GPM6A: variants seen among roughly 807,000 people sequenced by gnomAD.
The protein encoded by GPM6A is neuronal membrane glycoprotein M6-a.
A neutral mutation model predicts 32.1 loss-of-function variants in GPM6A; 7 were observed. That is an observed-to-expected ratio of 0.22 (90% CI 0.12 to 0.41). The LOEUF (loss-of-function observed/expected upper bound fraction) is 0.41, where lower values mean the gene tolerates loss of function less well. Ranked by LOEUF, GPM6A falls within the 10% of genes least tolerant of loss-of-function variation. The pLI, the probability that GPM6A is intolerant of heterozygous loss-of-function variation, is 1.00. For missense variants in GPM6A, 235 were observed against 347.2 expected, an observed-to-expected ratio of 0.68 and a Z score of 2.57; for synonymous variants, 130 against 123.4, an observed-to-expected ratio of 1.05 and a Z score of -0.35.
At chr4:175,641,986 G>A (rs1047579613) in intron 4 of GPM6A, 2 of 152,120 alleles carry the variant, frequency 1.3e-5, no homozygotes, top group Non-Finnish European at 2.9e-5. Flanking sequence ...ACGGTACCAG[G>A]CCTTCTTTAT....
chr4:175,734,135 CATATATAT>C (rs33914767), intron 1 of GPM6A, among the ~76,000 whole-genome samples: 3 of 127,162 alleles, frequency 2.4e-5, no homozygotes, highest in Admixed American at 7.6e-5. Flanking sequence ...TAATTTTTGC[CATATATAT>C]ATATATATAT....
intron 1 of GPM6A, among the ~76,000 whole-genome samples, chr4:175,747,336 G>A (rs1362830387): frequency 6.7e-6 from 1 of 148,298 alleles, no homozygotes; most frequent in Non-Finnish European, 1.5e-5. Context: ...GTCATAATAA[G>A]ACTGAATTAA....
intron 1 of GPM6A, among the ~76,000 whole-genome samples, chr4:175,713,061 A>G (rs1386287573): frequency 6.6e-6 from 1 of 152,330 alleles, no homozygotes; most frequent in Non-Finnish European, 1.5e-5. Context: ...CCCTGGCATA[A>G]AGTCTAACAT....
intron 1 of GPM6A, among the ~76,000 whole-genome samples, chr4:175,801,623 C>T (rs77917922): frequency 3.9e-4 from 60 of 152,006 alleles, no homozygotes; most frequent in African/African-American, 7.7e-4. Flanking sequence ...AAAAATTGAG[C>T]GTGTCAGATA....
chr4:175,827,718 C>T (rs993028912), intron 1 of GPM6A, among the ~76,000 whole-genome samples: 8 of 152,178 alleles, frequency 5.3e-5, no homozygotes, highest in African/African-American at 1.9e-4. Context: ...TTTCAAATGG[C>T]AGCTCAGCCA....
chr4:175,770,674 C>T (rs1733151338), intron 1 of GPM6A, among the ~76,000 whole-genome samples: 1 of 151,934 alleles, frequency 6.6e-6, no homozygotes, highest in Non-Finnish European at 1.5e-5. Context: ...TCTCTGAAGA[C>T]TGAATTCCAA....
intron 1 of GPM6A, among the ~76,000 whole-genome samples, chr4:175,756,803 C>T (rs1340860396): frequency 6.6e-6 from 1 of 151,942 alleles, no homozygotes; most frequent in East Asian, 1.9e-4. Flanking sequence ...AGGTGATAAG[C>T]AATAGAAGGA....
chr4:175,665,071 GACC>G (rs1300710643), intron 3 of GPM6A, among the ~76,000 whole-genome samples: 1 of 152,098 alleles, frequency 6.6e-6, no homozygotes, highest in East Asian at 1.9e-4. Flanking sequence ...AAGCCTACAG[GACC>G]ACCCTCTGAC....
At chr4:175,787,556 A>T (rs976076932) in intron 1 of GPM6A, 2 of 1,390,710 alleles carry the variant, frequency 1.4e-6, no homozygotes. Flanking sequence ...CAATGATTAC[A>T]TACTTGTTGA....
At chr4:175,889,471 T>G (rs1350460777) in intron 1 of GPM6A, among the ~76,000 whole-genome samples, 1 of 150,974 alleles carries the variant, frequency 6.6e-6, no homozygotes, top group Non-Finnish European at 1.5e-5. Context: ...ACTGCAGTGT[T>G]TACACCACTG....
At chr4:175,849,508 A>C (rs1167156082) in intron 1 of GPM6A, among the ~76,000 whole-genome samples, 2 of 152,216 alleles carry the variant, frequency 1.3e-5, no homozygotes, top group African/African-American at 4.8e-5. Context: ...ATCCATGGAC[A>C]TGTTAAGTCA....
intron 1 of GPM6A, among the ~76,000 whole-genome samples, chr4:175,918,231 T>C (rs1032147737): frequency 2.0e-5 from 3 of 152,142 alleles, no homozygotes; most frequent in African/African-American, 7.2e-5. Flanking sequence ...AAGCTATGAA[T>C]GTTTTTAAAA....
At chr4:175,638,562 G>A (rs1740951334) in intron 6 of GPM6A, among the ~76,000 whole-genome samples, 1 of 152,042 alleles carries the variant, frequency 6.6e-6, no homozygotes, top group Admixed American at 6.6e-5. Context: ...CTGTTGATTT[G>A]TTTTGAGAGT....
intron 1 of GPM6A, among the ~76,000 whole-genome samples, chr4:175,745,275 T>C (rs967669112): frequency 1.3e-5 from 2 of 152,210 alleles, no homozygotes; most frequent in South Asian, 2.1e-4. Context: ...TTTGGAGACC[T>C]GAGAATATTA....
At chr4:175,795,667 C>T (rs1734192090) in intron 1 of GPM6A, among the ~76,000 whole-genome samples, 1 of 152,116 alleles carries the variant, frequency 6.6e-6, no homozygotes, top group African/African-American at 2.4e-5. Context: ...GGGAGGATCA[C>T]TTGAGCCCAG....
chr4:175,854,697 C>T (rs1384164402), intron 1 of GPM6A, among the ~76,000 whole-genome samples: 6 of 152,082 alleles, frequency 3.9e-5, no homozygotes, highest in Non-Finnish European at 7.4e-5. Context: ...AAAGATTGAA[C>T]GGAGAATACG....
chr4:175,731,590 C>G (rs957151226), intron 1 of GPM6A, among the ~76,000 whole-genome samples: 2 of 152,206 alleles, frequency 1.3e-5, no homozygotes, highest in African/African-American at 4.8e-5. Flanking sequence ...GTGGCATGAA[C>G]AGTTAAAGCA....
intron 1 of GPM6A, among the ~76,000 whole-genome samples, chr4:175,821,495 G>A (rs528438266): frequency 3.9e-4 from 59 of 151,872 alleles, no homozygotes; most frequent in Non-Finnish European, 6.5e-4. Context: ...ATGAGGGGGA[G>A]GTGAACTTAT....
intron 1 of GPM6A, among the ~76,000 whole-genome samples, chr4:175,836,185 C>T (rs909445116): frequency 1.3e-5 from 2 of 152,122 alleles, no homozygotes; most frequent in Non-Finnish European, 2.9e-5. Flanking sequence ...ACTTGATTCC[C>T]TCTGTGTTTC....
Sources: gnomAD v4.1 joint callset for allele counts (sites outside exome capture counted in the v4.1 genomes callset) on GRCh38, gnomAD v4.1.1 for gene constraint, MANE v1.5 for transcripts, NCBI Gene and HGNC (gene_info 2026-07-23, HGNC 2026-07-21) for gene names.